Variants in NKIRAS1 observed in about 807,000 individuals in gnomAD.
The protein encoded by NKIRAS1 is NF-kappa-B inhibitor-interacting Ras-like protein 1.
NKIRAS1 carries 16 observed loss-of-function variants against 19.8 expected under a neutral mutation model. The observed-to-expected ratio is 0.81, with a 90% confidence interval of 0.55 to 1.23. NKIRAS1 has a LOEUF of 1.23. Ranked by LOEUF, NKIRAS1 falls within the 50% of genes most tolerant of loss-of-function variation. The pLI is 0.00. For missense variants in NKIRAS1, 184 were observed against 220.0 expected (o/e 0.84, Z 1.04); for synonymous variants, 88 against 79.0 (o/e 1.11, Z -0.61).
chr3:23,929,228 G>A (rs1705264997), intron 1 of NKIRAS1, among the ~76,000 whole-genome samples: 1 of 151,376 alleles, frequency 6.6e-6, no homozygotes, highest in Non-Finnish European at 1.5e-5. Context: ...GCAGGGCATG[G>A]TGGCAGGCGC....
intron 3 of NKIRAS1, among the ~76,000 whole-genome samples, chr3:23,901,801 G>A (rs1702547110): frequency 2.0e-5 from 3 of 152,138 alleles, no homozygotes; most frequent in African/African-American, 4.8e-5. Flanking sequence ...GGCCAGGCAC[G>A]GTGGCTCACG....
chr3:23,939,184 G>A (rs1705448862), intron 1 of NKIRAS1, among the ~76,000 whole-genome samples: 1 of 152,130 alleles, frequency 6.6e-6, no homozygotes, highest in Non-Finnish European at 1.5e-5. Flanking sequence ...CTATCAGTGA[G>A]GTTTCCTTAG....
At chr3:23,894,936 T>C (rs973492936) in intron 4 of NKIRAS1, among the ~76,000 whole-genome samples, 1 of 152,238 alleles carries the variant, frequency 6.6e-6, no homozygotes, top group Non-Finnish European at 1.5e-5. Flanking sequence ...ACTGGCCACG[T>C]AGATGCTGCT....
At chr3:23,945,222 C>G (rs1705610143) in intron 1 of NKIRAS1, 1 of 138,988 alleles carries the variant, frequency 7.2e-6, no homozygotes, top group Non-Finnish European at 1.6e-5. Flanking sequence ...CCGCAGCGGC[C>G]GGCCGAGGGC....
intron 1 of NKIRAS1, among the ~76,000 whole-genome samples, chr3:23,914,986 A>G (rs370757791): frequency 1.3e-5 from 2 of 152,190 alleles, no homozygotes; most frequent in Admixed American, 1.3e-4. Flanking sequence ...TTTCATCACT[A>G]CTGAAGTGGT....
intron 3 of NKIRAS1, among the ~76,000 whole-genome samples, chr3:23,905,181 T>C (rs1575083270): frequency 6.6e-6 from 1 of 152,270 alleles, no homozygotes; most frequent in East Asian, 1.9e-4. Context: ...CATGGATTAA[T>C]TTAATTCATA....
chr3:23,918,952 C>A (rs1559511841), upstream of NKIRAS1: 4 of 555,272 alleles, frequency 7.2e-6, no homozygotes, highest in Non-Finnish European at 3.2e-6. Context: ...TTAACATATT[C>A]CTGCCCTAGT....
At position 23,924,953 on chromosome 3, in the gene NKIRAS1, C is replaced by G. The variant is rs145077186; in HGVS notation, c.-139-13503G>C. Among the ~76,000 whole-genome samples the G allele has an allele frequency of 6.0e-4, 92 of 152,278 alleles. 1 individual carries two copies. Among genetic ancestry groups the G allele is most frequent in the African/African-American group, 2.2e-3 (90 of 41,548 alleles). ...ATGTATGTTAAAGATTGTTCTCACTCTAGAATCCAGACTGTTAGAACAGAC... is the reference window on the plus strand; with the variant it reads ...ATGTATGTTAAAGATTGTTCTCACTGTAGAATCCAGACTGTTAGAACAGAC... On this transcript the variant is annotated intron_variant, in intron 1 of 4. Coordinates refer to the NKIRAS1 transcript ENST00000421515.
In NKIRAS1 at chr3:23,892,331, A is replaced by G. The variant is rs1432489067; in HGVS notation, c.*764T>C. On this transcript the variant is annotated 3_prime_UTR_variant, in exon 5 of 5. Coordinates refer to ENST00000425478, the MANE Select transcript of NKIRAS1 (RefSeq NM_020345.4). ...TATATGACTAGTTTTCTAGAAAACTATTCCAGAAGATACAGTCTTCCTTCC... is the reference window on the plus strand; with the variant it reads ...TATATGACTAGTTTTCTAGAAAACTGTTCCAGAAGATACAGTCTTCCTTCC... 1.3e-5 allele frequency: 2 copies of G among 152,222 alleles called. No homozygotes were observed. The highest frequency in any genetic ancestry group is 1.3e-4 in the Admixed American group (2 of 15,284). 9.4% of individuals were successfully genotyped at this position (152,222 alleles called of 1,614,324 possible).
chr3:23,926,858 A>G lies in NKIRAS1; in HGVS notation c.-139-15408T>C, dbSNP rs1705222712. On this transcript the variant is annotated intron_variant, in intron 1 of 4. Coordinates refer to the NKIRAS1 transcript ENST00000421515. The surrounding 1 kb of genome is among the most constrained non-coding windows in gnomAD (Gnocchi z 4.3). ...TTTGAAATCAGTTTTATAAATATTC[A>G]TCATTCAGAGAAGAAACAATTCTTT... Among the ~76,000 whole-genome samples, 1 of 152,212 alleles carries G rather than the reference A, an allele frequency of 6.6e-6. No individual in the cohort carries two copies. Among genetic ancestry groups the G allele is most frequent in the Non-Finnish European group, 1.5e-5 (1 of 68,028 alleles).
intron 1 of NKIRAS1, among the ~76,000 whole-genome samples, chr3:23,912,202 T>C (rs1209471615): frequency 6.6e-6 from 1 of 152,100 alleles, no homozygotes; most frequent in Non-Finnish European, 1.5e-5. Flanking sequence ...TGGGATCTAA[T>C]TAAACTAAAG....
chr3:23,906,919 A>T (rs1703121040), intron 3 of NKIRAS1, among the ~76,000 whole-genome samples: 1 of 151,796 alleles, frequency 6.6e-6, no homozygotes, highest in Non-Finnish European at 1.5e-5. Context: ...GTTTTGATAC[A>T]GTCTCGCTCT....
intron 1 of NKIRAS1, among the ~76,000 whole-genome samples, chr3:23,935,342 T>G (rs571299524): frequency 6.6e-6 from 1 of 150,724 alleles, no homozygotes; most frequent in African/African-American, 2.4e-5. Context: ...AATTAGTTTA[T>G]GAAAGAAAGG....
At chr3:23,942,944 C>T (rs562998779) in intron 1 of NKIRAS1, among the ~76,000 whole-genome samples, 3 of 152,172 alleles carry the variant, frequency 2.0e-5, no homozygotes, top group Admixed American at 6.5e-5. Context: ...GATGGAGTTT[C>T]GCCATATCGC....
At chr3:23,914,137 GAATA>G (rs1453613508) in intron 1 of NKIRAS1, among the ~76,000 whole-genome samples, 3 of 147,506 alleles carry the variant, frequency 2.0e-5, no homozygotes, top group African/African-American at 7.6e-5. Context: ...CATTGCTAGA[GAATA>G]AATACAACCT....
rs1235131405 is a variant in NKIRAS1, at chr3:23,911,324, C to G, written c.-18+5G>C. 13 of 164,252 alleles carry G rather than the reference C, an allele frequency of 7.9e-5. No homozygotes were observed. Among genetic ancestry groups the G allele is most frequent in the South Asian group, 3.0e-4 (2 of 6,578 alleles). The allele number at this position is 164,252 out of a possible 1,614,324, so 10.2% of individuals were successfully genotyped here. On this transcript the variant is annotated splice_donor_5th_base_variant and intron_variant, in intron 2 of 4. Coordinates refer to ENST00000425478, the MANE Select transcript of NKIRAS1 (RefSeq NM_020345.4). ...CAAAAATTAGCCAGGCGTGGTGGCACTCACCTGTAATCCCAGCTACTGGGG... is the reference window on the plus strand; with the variant it reads ...CAAAAATTAGCCAGGCGTGGTGGCAGTCACCTGTAATCCCAGCTACTGGGG...
chr3:23,909,891 G>A (rs1575095727), intron 3 of NKIRAS1, among the ~76,000 whole-genome samples: 2 of 136,864 alleles, frequency 1.5e-5, no homozygotes, highest in African/African-American at 2.7e-5. Context: ...ATGGAGTCTC[G>A]CTCTGTCGCC....
chr3:23,930,647 G>A (rs930494789), intron 1 of NKIRAS1, among the ~76,000 whole-genome samples: 1 of 151,714 alleles, frequency 6.6e-6, no homozygotes, highest in Non-Finnish European at 1.5e-5. Context: ...ATGATCATAA[G>A]AGTCAATAAA....
chr3:23,905,235 C>G (rs1261746643), intron 3 of NKIRAS1, among the ~76,000 whole-genome samples: 1 of 152,116 alleles, frequency 6.6e-6, no homozygotes, highest in Non-Finnish European at 1.5e-5. Flanking sequence ...TTTAGTGACA[C>G]ACATATGTGG....
Sources: gnomAD v4.1 joint callset for allele counts (sites outside exome capture counted in the v4.1 genomes callset) on GRCh38, gnomAD v4.1.1 for gene constraint, Gnocchi (gnomAD v3.1) non-coding constraint, MANE v1.5 for transcripts, NCBI Gene and HGNC (gene_info 2026-07-23, HGNC 2026-07-21) for gene names.